Variants in ATP10A observed in about 807,000 individuals in gnomAD.
The protein encoded by ATP10A is phospholipid-transporting ATPase VA.
In ATP10A, 111 loss-of-function variants were observed where a neutral mutation model predicts 147.8. The observed-to-expected ratio is 0.75, with a 90% CI of 0.64 to 0.88. The LOEUF is 0.88. Ranked by LOEUF, ATP10A falls within the 40% of genes least tolerant of loss-of-function variation. The pLI is 0.00. For missense variants in ATP10A, 1,927 were observed against 1,959.0 expected, an observed-to-expected ratio of 0.98 and a Z score of 0.31; for synonymous variants, 875 against 841.6, an observed-to-expected ratio of 1.04 and a Z score of -0.69.
chr15:25,787,550 G>A (rs1890225840), intron 1 of ATP10A, among the ~76,000 whole-genome samples: 2 of 151,352 alleles, frequency 1.3e-5, no homozygotes, highest in African/African-American at 4.9e-5. Context: ...AAGTTGAGGT[G>A]GCAGTAAGCC....
chr15:25,742,634 C>T (rs923867637), intron 2 of ATP10A, among the ~76,000 whole-genome samples: 1 of 152,184 alleles, frequency 6.6e-6, no homozygotes, highest in Non-Finnish European at 1.5e-5. Context: ...GCCCCAAACG[C>T]TCCATGCTGT....
chr15:25,760,128 A>C (rs1172908165), intron 2 of ATP10A, among the ~76,000 whole-genome samples: 1 of 152,152 alleles, frequency 6.6e-6, no homozygotes, highest in East Asian at 1.9e-4. Context: ...GATATTTGAC[A>C]AACTTTTCAA....
intron 1 of ATP10A, among the ~76,000 whole-genome samples, chr15:25,790,639 G>A (rs987170824): frequency 6.6e-6 from 1 of 152,168 alleles, no homozygotes; most frequent in African/African-American, 2.4e-5. Context: ...TTTTCCCCAG[G>A]AAACACTAGT....
At chr15:25,845,368 G>T (rs1892975218) in intron 1 of ATP10A, among the ~76,000 whole-genome samples, 2 of 151,796 alleles carry the variant, frequency 1.3e-5, no homozygotes. Context: ...GGCCACCTGG[G>T]TGATGGCCGA....
At chr15:25,744,147 C>T (rs905978099) in intron 2 of ATP10A, among the ~76,000 whole-genome samples, 2 of 152,214 alleles carry the variant, frequency 1.3e-5, no homozygotes, top group African/African-American at 2.4e-5. Context: ...TAATACAACA[C>T]GGTGCCACTG....
chr15:25,820,028 G>A (rs903762616), intron 1 of ATP10A, among the ~76,000 whole-genome samples: 3 of 151,940 alleles, frequency 2.0e-5, no homozygotes, highest in Non-Finnish European at 4.4e-5. Context: ...GGCAAAATAC[G>A]CTTGTACCCC....
rs1899222770 is a variant in ATP10A at position 25,679,215 on chromosome 15, T to G, written c.*126A>C. On this transcript the variant is annotated 3_prime_UTR_variant, in exon 21 of 21. Coordinates refer to ENST00000555815, the MANE Select transcript of ATP10A (RefSeq NM_024490.4). ...AATAAACTTTCTTTTTTGGTACCTC[T>G]TGTTTCCTGTATTAGCCTGGGAAAC... The G allele has an allele frequency of 1.3e-6, 1 of 770,896 alleles. No homozygotes were observed. The allele number at this position is 770,896 out of a possible 1,614,324, so 47.8% of individuals were successfully genotyped here.
intron 1 of ATP10A, among the ~76,000 whole-genome samples, chr15:25,833,813 A>C (rs1051965462): frequency 6.6e-6 from 1 of 152,188 alleles, no homozygotes; most frequent in Non-Finnish European, 1.5e-5. Flanking sequence ...TCTACTAAAA[A>C]TACAAAAAAT....
At chr15:25,763,282 C>A (rs1888854970) in intron 2 of ATP10A, among the ~76,000 whole-genome samples, 1 of 152,182 alleles carries the variant, frequency 6.6e-6, no homozygotes, top group Non-Finnish European at 1.5e-5. Flanking sequence ...TTCACTGGGA[C>A]TGGGCATCCT....
At chr15:25,858,859 A>G (rs4906795) in intron 1 of ATP10A, among the ~76,000 whole-genome samples, 137,882 of 151,902 alleles carry the variant, frequency 0.91, 62,679 homozygotes, top group East Asian at 0.94. Context: ...GATTATATTC[A>G]AGTCATCACA....
chr15:25,792,297 G>A (rs1890462309), intron 1 of ATP10A, among the ~76,000 whole-genome samples: 2 of 152,232 alleles, frequency 1.3e-5, no homozygotes, highest in South Asian at 4.1e-4. Flanking sequence ...TTCATGCAAA[G>A]GTACCTGCTC....
rs1397392270 is a variant in ATP10A, at chr15:25,679,968, A to T, written c.3873T>A (p.Phe1291Leu). The T allele has an allele frequency of 1.3e-6, 2 of 1,591,958 alleles. No homozygotes were observed. The highest frequency in any genetic ancestry group is 8.6e-7 in the Non-Finnish European group (1 of 1,164,910). The change falls in exon 21 of 21, where the codon TTT becomes TTA. Residue 1291 changes from phenylalanine (F) to leucine (L), a missense_variant. By Grantham distance (22) the Phe-to-Leu change is conservative (BLOSUM62 0). Transcript: ENST00000555815. ...AAACCCTCCCCTGGAGGGATCTGAA[A>T]AACAATCTAGAAAAAGTACATTAAA... is the stretch of plus-strand genomic sequence containing the variant. ...TPVAALLPRL[F>L]FRSLQGRVFP...
chr15:25,839,976 A>G (rs2140888426), intron 1 of ATP10A, among the ~76,000 whole-genome samples: 1 of 152,262 alleles, frequency 6.6e-6, no homozygotes, highest in South Asian at 2.1e-4. Context: ...CAACCGAAAT[A>G]GTACCCACAC....
chr15:25,860,787 C>T (rs964580586), intron 1 of ATP10A, among the ~76,000 whole-genome samples: 9 of 152,160 alleles, frequency 5.9e-5, no homozygotes, highest in East Asian at 5.8e-4. Context: ...GTTTCCTCAT[C>T]GGCAAGATGG....
intron 15 of ATP10A, among the ~76,000 whole-genome samples, chr15:25,688,312 G>T (rs915688456): frequency 1.2e-4 from 19 of 152,154 alleles, no homozygotes. Context: ...CCCCCCAGAA[G>T]CCTTGGTGAT....
Position 25,705,448 on chromosome 15 carries a change from A to C in ATP10A, c.2575+2528T>G, listed in dbSNP as rs1251916204. Among the ~76,000 whole-genome samples the C allele has an allele frequency of 4.4e-4, 5 of 11,468 alleles. 1 individual carries two copies. In the Admixed American group the frequency reaches 6.8e-3, roughly 15 times the overall value. 7.5% of individuals were successfully genotyped at this position (11,468 alleles called of 152,430 possible). A position where few individuals can be genotyped will look rare whatever the true frequency, so the allele number is the denominator to read the frequency against. ...GAGACTCTGTCTCAAAGCAAAAAAA[A>C]AAAAACAAAAAAAAAAAACAAAAAA... On this transcript the variant is annotated intron_variant, in intron 12 of 20. Transcript: ENST00000555815.
chr15:25,712,740 T>A (rs996765633), intron 10 of ATP10A, among the ~76,000 whole-genome samples: 1 of 151,938 alleles, frequency 6.6e-6, no homozygotes, highest in Non-Finnish European at 1.5e-5. Context: ...GTCATCATCA[T>A]GGAAGGTCAT....
At chr15:25,705,980 AT>A (rs1900985275) in intron 12 of ATP10A, among the ~76,000 whole-genome samples, 2 of 152,270 alleles carry the variant, frequency 1.3e-5, no homozygotes, top group African/African-American at 4.8e-5. Flanking sequence ...CCACCTGAGG[AT>A]GACAGCGGGA....
intron 1 of ATP10A, among the ~76,000 whole-genome samples, chr15:25,850,428 G>A (rs1054055200): frequency 6.6e-6 from 1 of 152,136 alleles, no homozygotes; most frequent in Admixed American, 6.5e-5. Context: ...TTGGCAAAAA[G>A]CAACAGGAGA....
Sources: allele counts gnomAD v4.1 joint callset (sites outside exome capture counted in the v4.1 genomes callset), GRCh38; gene constraint gnomAD v4.1.1; transcripts MANE v1.5; gene names NCBI Gene and HGNC (gene_info 2026-07-23, HGNC 2026-07-21).